Variants in AMBRA1 observed in about 807,000 individuals in gnomAD.
AMBRA1 encodes the protein activating molecule in BECN1-regulated autophagy protein 1.
In AMBRA1, 47 loss-of-function variants were observed where a neutral mutation model predicts 125.4. The observed-to-expected ratio is 0.37, with a 90% CI of 0.30 to 0.48. AMBRA1 has a LOEUF of 0.48. Ranked by LOEUF, AMBRA1 falls within the 20% of genes least tolerant of loss-of-function variation. AMBRA1 has a pLI of 0.99. For synonymous variants in AMBRA1, 626 were observed against 655.5 expected (o/e 0.95, Z 0.69); for missense variants, 1,331 against 1,693.4 (o/e 0.79, Z 3.76).
intron 11 of AMBRA1, among the ~76,000 whole-genome samples, chr11:46,479,628 C>T (rs920515908): frequency 2.0e-5 from 3 of 151,904 alleles, no homozygotes; most frequent in African/African-American, 4.8e-5. Context: ...ACCCAGGAGG[C>T]GGAGGTTGCA....
At chr11:46,522,913 T>TA (rs1198751604) in intron 7 of AMBRA1, among the ~76,000 whole-genome samples, 1 of 152,120 alleles carries the variant, frequency 6.6e-6, no homozygotes, top group Non-Finnish European at 1.5e-5. Context: ...GCAAACACTA[T>TA]ATAATAGGAA....
chr11:46,520,031 C>T (rs1406154752), intron 7 of AMBRA1, among the ~76,000 whole-genome samples: 3 of 151,584 alleles, frequency 2.0e-5, no homozygotes, highest in African/African-American at 7.3e-5. Flanking sequence ...CCCAGCTACT[C>T]AGGTGGCTGA....
chr11:46,554,058 A>AT (rs1358837661), intron 1 of AMBRA1, among the ~76,000 whole-genome samples: 1 of 152,140 alleles, frequency 6.6e-6, no homozygotes, highest in Non-Finnish European at 1.5e-5. Context: ...TAAGTGATTA[A>AT]TTACTAACCA....
chr11:46,552,223 G>T (rs1442449446), intron 1 of AMBRA1, among the ~76,000 whole-genome samples: 1 of 149,414 alleles, frequency 6.7e-6, no homozygotes, highest in Non-Finnish European at 1.5e-5. Context: ...ACAAAAATTA[G>T]CCGGGCGTGG....
At chr11:46,423,658 TG>T (rs1946965270) in intron 14 of AMBRA1, among the ~76,000 whole-genome samples, 1 of 152,140 alleles carries the variant, frequency 6.6e-6, no homozygotes, top group Non-Finnish European at 1.5e-5. Context: ...CCCAAAGTGC[TG>T]GGATTACAGG....
intron 11 of AMBRA1, among the ~76,000 whole-genome samples, chr11:46,479,248 C>T (rs1730695564): frequency 6.6e-6 from 1 of 152,052 alleles, no homozygotes; most frequent in Non-Finnish European, 1.5e-5. Context: ...TGCTAGCAGG[C>T]TACCTCAGAT....
At chr11:46,578,712 T>C (rs1428323987) in intron 1 of AMBRA1, among the ~76,000 whole-genome samples, 1 of 150,982 alleles carries the variant, frequency 6.6e-6, no homozygotes, top group Non-Finnish European at 1.5e-5. Flanking sequence ...TGAAACCCTC[T>C]CTACTAAAAA....
At chr11:46,549,890 C>A (rs2042939329) in intron 1 of AMBRA1, among the ~76,000 whole-genome samples, 1 of 152,208 alleles carries the variant, frequency 6.6e-6, no homozygotes, top group Admixed American at 6.5e-5. Flanking sequence ...GCAATCTCGG[C>A]TCACTGCAAC....
intron 11 of AMBRA1, among the ~76,000 whole-genome samples, chr11:46,465,842 G>C (rs1421736740): frequency 6.6e-6 from 1 of 152,222 alleles, no homozygotes; most frequent in South Asian, 2.1e-4. Flanking sequence ...CACAGAAATT[G>C]TGCAACTGTC....
intron 4 of AMBRA1, among the ~76,000 whole-genome samples, chr11:46,546,791 C>T (rs1953038076): frequency 6.6e-6 from 1 of 152,178 alleles, no homozygotes; most frequent in African/African-American, 2.4e-5. Flanking sequence ...CCAAAAGAAG[C>T]CGGGCATGGT....
intron 1 of AMBRA1, among the ~76,000 whole-genome samples, chr11:46,555,006 A>G (rs1376580074): frequency 6.6e-6 from 1 of 152,280 alleles, no homozygotes; most frequent in African/African-American, 2.4e-5. Flanking sequence ...CAGGAGGTCA[A>G]GACTACAGTG....
intron 11 of AMBRA1, among the ~76,000 whole-genome samples, chr11:46,465,898 C>G (rs972115772): frequency 6.6e-6 from 1 of 152,130 alleles, no homozygotes; most frequent in Non-Finnish European, 1.5e-5. Flanking sequence ...TGCCAACCAG[C>G]GACAGTATCA....
intron 1 of AMBRA1, among the ~76,000 whole-genome samples, chr11:46,564,968 A>C (rs2043469954): frequency 6.6e-6 from 1 of 152,190 alleles, no homozygotes; most frequent in Admixed American, 6.5e-5. Flanking sequence ...CTCTACAAAT[A>C]AATCATGGCC....
At position 46,584,819 on chromosome 11, in the gene AMBRA1, C is replaced by T. The variant is rs182806534; in HGVS notation, c.-121+9009G>A. 2.0e-5 allele frequency among the ~76,000 whole-genome samples: 3 copies of T among 152,244 alleles called. No individual in the cohort carries two copies. In the East Asian group the frequency reaches 5.8e-4, roughly 29 times the overall value. ...AGGCTCAGTGGCTAACACCTGTAAT[C>T]CCAACACTTTGGGAGGCTGAGATGG... On this transcript the variant is annotated intron_variant, in intron 1 of 17. Coordinates refer to ENST00000683756, the MANE Select transcript of AMBRA1 (RefSeq NM_001387011.1).
At chr11:46,410,116 C>T (rs1437999527) in intron 16 of AMBRA1, among the ~76,000 whole-genome samples, 160 bp downstream of exon 16, 1 of 152,274 alleles carries the variant, frequency 6.6e-6, no homozygotes, top group Non-Finnish European at 1.5e-5. Context: ...AGCCACACAA[C>T]ACTTTTCTCA....
intron 7 of AMBRA1, among the ~76,000 whole-genome samples, chr11:46,532,201 A>C (rs1270953059): frequency 1.3e-5 from 2 of 152,202 alleles, no homozygotes; most frequent in Non-Finnish European, 1.5e-5. Flanking sequence ...CAATCACTTA[A>C]TAAGACACAG....
At chr11:46,513,140 G>A (rs866327122) in intron 7 of AMBRA1, among the ~76,000 whole-genome samples, 1 of 152,116 alleles carries the variant, frequency 6.6e-6, no homozygotes, top group Non-Finnish European at 1.5e-5. Flanking sequence ...ACACAGGAGT[G>A]AAAAATTAGG....
intron 1 of AMBRA1, among the ~76,000 whole-genome samples, chr11:46,573,663 CTTTT>C (rs142367481): frequency 1.4e-5 from 2 of 138,674 alleles, no homozygotes; most frequent in East Asian, 2.1e-4. Context: ...AATCCTTTTT[CTTTT>C]TTTTTTTTTT....
At chr11:46,522,287 C>T (rs1273932990) in intron 7 of AMBRA1, among the ~76,000 whole-genome samples, 3 of 152,152 alleles carry the variant, frequency 2.0e-5, no homozygotes, top group African/African-American at 7.2e-5. Flanking sequence ...CTCCTATATA[C>T]CCTCAACACA....
Sources: gnomAD v4.1 joint callset for allele counts (sites outside exome capture counted in the v4.1 genomes callset) on GRCh38, gnomAD v4.1.1 for gene constraint, MANE v1.5 for transcripts, NCBI Gene and HGNC (gene_info 2026-07-23, HGNC 2026-07-21) for gene names.